The following CEP83 variants were observed in gnomAD, a reference collection of about 807,000 sequenced individuals.
CEP83 encodes centrosomal protein 83, also known as centrosomal protein of 83 kDa.
CEP83 carries 70 observed loss-of-function variants against 101.9 expected under a neutral mutation model. The ratio of observed to expected loss-of-function variants is 0.69; its 90% CI spans 0.57 to 0.84. CEP83 has a LOEUF of 0.84. Among genes scored for constraint, CEP83 ranks in the 40% least tolerant of loss-of-function variants. The probability of loss-of-function intolerance (pLI) is 0.00; values close to 1 mark genes in which losing one functional copy is unlikely to be tolerated. For synonymous variants in CEP83, 264 were observed against 267.9 expected, an observed-to-expected ratio of 0.99 and a Z score of 0.14; for missense variants, 715 against 787.2, an observed-to-expected ratio of 0.91 and a Z score of 1.10.
Position 94,411,789 on chromosome 12 carries a change from G to C in CEP83, c.232C>G (p.Gln78Glu), listed in dbSNP as rs372337825. Residue 78 changes from glutamine (Q) to glutamate (E), a missense_variant, in exon 4 of 17, where the codon CAA becomes GAA. Coordinates refer to ENST00000397809, the MANE Select transcript of CEP83 (RefSeq NM_016122.3). ...NELKHLFNEKQTQQEKLQLLL... is the reference protein window; with the variant it reads ...NELKHLFNEKETQQEKLQLLL... ...AGCTGAAGTTTTTCCTGCTGAGTTT[G>C]CTTTTCATTAAACAGGTGCTTGAGT... 1.3e-5 allele frequency: 21 copies of C among 1,612,352 alleles called. No individual in the cohort carries two copies. The highest frequency in any genetic ancestry group is 1.7e-4 in the Middle Eastern group (1 of 6,006).
chr12:94,384,089 C>T (rs910241311), intron 6 of CEP83, among the ~76,000 whole-genome samples: 2 of 152,090 alleles, frequency 1.3e-5, no homozygotes, highest in South Asian at 2.1e-4. Context: ...CTTCTTTTTA[C>T]TGTTTTCTTC....
At chr12:94,410,613 T>C (rs1471521988) in intron 4 of CEP83, among the ~76,000 whole-genome samples, 1 of 152,202 alleles carries the variant, frequency 6.6e-6, no homozygotes, top group Non-Finnish European at 1.5e-5. Flanking sequence ...TAATTAAATT[T>C]GCAATACCTG....
chr12:94,404,590 G>A (rs1377175096), intron 4 of CEP83, among the ~76,000 whole-genome samples: 1 of 152,082 alleles, frequency 6.6e-6, no homozygotes, highest in Admixed American at 6.6e-5. Context: ...CTGCACTCTG[G>A]CTGGAAACAA....
the CEP83 span, among the ~76,000 whole-genome samples, chr12:94,275,447 C>T: frequency 2.0e-4 from 30 of 152,274 alleles, no homozygotes; most frequent in African/African-American, 6.3e-4. Flanking sequence ...TCTGACATGG[C>T]ACAGGCATCT....
At chr12:94,399,301 T>C (rs2063106404) in intron 6 of CEP83, among the ~76,000 whole-genome samples, 1 of 152,200 alleles carries the variant, frequency 6.6e-6, no homozygotes, top group Admixed American at 6.5e-5. Context: ...TTGTACTCTT[T>C]ATTTCTCAGC....
chr12:94,321,877 C>T (rs904368589), intron 14 of CEP83, among the ~76,000 whole-genome samples: 1 of 151,972 alleles, frequency 6.6e-6, no homozygotes, highest in South Asian at 2.1e-4. Flanking sequence ...GATATAGAAT[C>T]AAGGACCCAA....
intron 6 of CEP83, among the ~76,000 whole-genome samples, chr12:94,386,123 T>C (rs537267595): frequency 6.6e-6 from 1 of 152,334 alleles, no homozygotes; most frequent in Admixed American, 6.5e-5. Context: ...TACACGTTAC[T>C]GTACTTAGAA....
chr12:94,458,798 A>G (rs1241810801), intron 1 of CEP83, among the ~76,000 whole-genome samples: 1 of 152,230 alleles, frequency 6.6e-6, no homozygotes, highest in African/African-American at 2.4e-5. Context: ...TCAAACCTCA[A>G]TACAAAAGGT....
chr12:94,442,104 G>A (rs2066454846), intron 1 of CEP83, among the ~76,000 whole-genome samples: 1 of 150,620 alleles, frequency 6.6e-6, no homozygotes, highest in Admixed American at 6.6e-5. Flanking sequence ...CCAATGAGTA[G>A]ATAAAGAAAA....
At chr12:94,357,704 C>A (rs1480580623) in intron 11 of CEP83, among the ~76,000 whole-genome samples, 1 of 152,128 alleles carries the variant, frequency 6.6e-6, no homozygotes, top group Non-Finnish European at 1.5e-5. Context: ...GGACCCTTGC[C>A]AGCAGGGACT....
intron 14 of CEP83, among the ~76,000 whole-genome samples, chr12:94,322,981 T>C (rs1042375610): frequency 1.3e-5 from 2 of 152,124 alleles, no homozygotes; most frequent in African/African-American, 2.4e-5. Context: ...TGCTTTTCCA[T>C]AGGGTGGCTG....
intron 11 of CEP83, among the ~76,000 whole-genome samples, chr12:94,366,802 G>C (rs1394037406): frequency 6.6e-6 from 1 of 152,036 alleles, no homozygotes; most frequent in Non-Finnish European, 1.5e-5. Flanking sequence ...CCAGGGCTGG[G>C]GCAGGGAAAG....
chr12:94,406,383 G>C (rs533586514), intron 4 of CEP83, among the ~76,000 whole-genome samples: 1,609 of 151,590 alleles, frequency 0.011, 41 homozygotes, highest in African/African-American at 0.037. Flanking sequence ...CAAAAATCCA[G>C]CATTTTAAAA....
At chr12:94,337,709 C>T (rs535259053) in intron 11 of CEP83, among the ~76,000 whole-genome samples, 6 of 151,866 alleles carry the variant, frequency 4.0e-5, no homozygotes, top group African/African-American at 1.4e-4. Flanking sequence ...AAAAGAGATG[C>T]AATTTGAACT....
chr12:94,331,608 G>A lies in CEP83; in HGVS notation c.1707+92C>T, dbSNP rs978143258. On this transcript the variant is annotated intron_variant, in intron 14 of 16. Coordinates refer to ENST00000397809, the MANE Select transcript of CEP83 (RefSeq NM_016122.3). Reference sequence around the variant, plus strand: ...ATGGTCTCAATGATCTCCTGACCTCGTGATCCACCTGCCTCCGCCTCCCAA... The same window carrying A: ...ATGGTCTCAATGATCTCCTGACCTCATGATCCACCTGCCTCCGCCTCCCAA... 1.2e-4 allele frequency: 128 copies of A among 1,068,640 alleles called. 1 individual carries two copies. Among genetic ancestry groups the A allele is most frequent in the Admixed American group, 6.2e-4 (34 of 54,622 alleles). The allele number at this position is 1,068,640 out of a possible 1,614,324, so 66.2% of individuals were successfully genotyped here. A position where few individuals can be genotyped will look rare whatever the true frequency, so the allele number is the denominator to read the frequency against.
chr12:94,290,490 G>T, the CEP83 span, among the ~76,000 whole-genome samples: 5 of 152,226 alleles, frequency 3.3e-5, no homozygotes, highest in Admixed American at 3.3e-4. Context: ...AGGCCTGATG[G>T]CCCCAGCCGG....
chr12:94,345,425 C>G (rs1235132183), intron 11 of CEP83, among the ~76,000 whole-genome samples: 1 of 151,990 alleles, frequency 6.6e-6, no homozygotes, highest in Non-Finnish European at 1.5e-5. Flanking sequence ...GTTTATGGCT[C>G]GGGAGGCAGC....
chr12:94,405,542 C>T (rs759606020), intron 4 of CEP83, among the ~76,000 whole-genome samples: 31 of 152,036 alleles, frequency 2.0e-4, no homozygotes, highest in Non-Finnish European at 4.4e-4. Flanking sequence ...ATTTCCAAAA[C>T]CAAAAGTTAA....
intron 4 of CEP83, among the ~76,000 whole-genome samples, chr12:94,410,355 T>G (rs1455417212): frequency 6.6e-6 from 1 of 152,232 alleles, no homozygotes; most frequent in Non-Finnish European, 1.5e-5. Flanking sequence ...GAAACTTTTA[T>G]CCGCTTTACC....
Sources: gnomAD v4.1 joint callset for allele counts (sites outside exome capture counted in the v4.1 genomes callset) on GRCh38, gnomAD v4.1.1 for gene constraint, MANE v1.5 for transcripts, NCBI Gene and HGNC (gene_info 2026-07-23, HGNC 2026-07-21) for gene names.